The following MAGI3 variants were observed in gnomAD, a reference collection of about 807,000 sequenced individuals.
MAGI3 encodes membrane-associated guanylate kinase, WW and PDZ domain-containing protein 3.
Under a neutral mutation model 121.8 loss-of-function variants are expected in MAGI3, and 43 were observed. The ratio of observed to expected loss-of-function variants is 0.35; its 90% confidence interval spans 0.28 to 0.46. MAGI3 has a LOEUF of 0.46. Ranked by LOEUF, MAGI3 falls within the 20% of genes least tolerant of loss-of-function variation. MAGI3 has a pLI of 1.00. For synonymous variants in MAGI3, 553 were observed against 639.3 expected (o/e 0.86, Z 2.04); for missense variants, 1,547 against 1,797.3 (o/e 0.86, Z 2.52).
At chr1:113,657,785 A>G (rs755442888) in intron 15 of MAGI3, among the ~76,000 whole-genome samples, 12 of 152,224 alleles carry the variant, frequency 7.9e-5, no homozygotes, top group Non-Finnish European at 1.6e-4. Context: ...GTTGTTTGTA[A>G]GGAAAATAGA....
At chr1:113,675,688 A>C (rs1647825488) in intron 19 of MAGI3, among the ~76,000 whole-genome samples, 3 of 152,218 alleles carry the variant, frequency 2.0e-5, no homozygotes, top group Non-Finnish European at 4.4e-5. Context: ...GGACTAGATA[A>C]AATAAAGAAA....
At chr1:113,634,710 A>C (rs1054005833) in intron 9 of MAGI3, among the ~76,000 whole-genome samples, 1 of 152,146 alleles carries the variant, frequency 6.6e-6, no homozygotes, top group African/African-American at 2.4e-5. Context: ...TGACTTGGCA[A>C]TGTGGGCTTT....
intron 1 of MAGI3, among the ~76,000 whole-genome samples, chr1:113,454,214 A>G (rs1031213013): frequency 2.0e-5 from 3 of 152,176 alleles, no homozygotes; most frequent in African/African-American, 4.8e-5. Flanking sequence ...TTTGGGATGC[A>G]TATTTTGCTT....
chr1:113,571,912 C>G (rs12095235), intron 2 of MAGI3, among the ~76,000 whole-genome samples: 2 of 152,142 alleles, frequency 1.3e-5, no homozygotes, highest in African/African-American at 4.8e-5. Context: ...TTGCCCTGGC[C>G]AGAACTTCCA....
intron 8 of MAGI3, among the ~76,000 whole-genome samples, chr1:113,620,842 C>T (rs940428824): frequency 6.6e-6 from 1 of 152,154 alleles, no homozygotes; most frequent in Non-Finnish European, 1.5e-5. Flanking sequence ...CTAAATGCTC[C>T]TATTTCTTCA....
chr1:113,638,165 T>G (rs532838111), intron 9 of MAGI3, among the ~76,000 whole-genome samples: 65 of 152,318 alleles, frequency 4.3e-4, no homozygotes, highest in African/African-American at 1.5e-3. Context: ...CTTCTTTGCC[T>G]TTGATTTGAA....
intron 6 of MAGI3, among the ~76,000 whole-genome samples, chr1:113,611,088 C>CTTTT (rs139111390): frequency 7.3e-6 from 1 of 137,196 alleles, no homozygotes; most frequent in Non-Finnish European, 1.6e-5. Context: ...CATAATTATT[C>CTTTT]TTTTTTTTTT....
chr1:113,479,757 A>G (rs1656023650), intron 1 of MAGI3, among the ~76,000 whole-genome samples: 1 of 152,100 alleles, frequency 6.6e-6, no homozygotes, highest in South Asian at 2.1e-4. Context: ...CATAAGTGCC[A>G]TAGACTATCT....
chr1:113,648,414 CTTTTT>C (rs566094328), intron 12 of MAGI3, among the ~76,000 whole-genome samples: 7 of 135,958 alleles, frequency 5.1e-5, no homozygotes, highest in African/African-American at 1.9e-4. Flanking sequence ...ACTTAATATT[CTTTTT>C]TTTTTTTTTT....
At chr1:113,628,286 CA>C (rs1201190619) in intron 9 of MAGI3, among the ~76,000 whole-genome samples, 4 of 152,016 alleles carry the variant, frequency 2.6e-5, no homozygotes, top group Non-Finnish European at 5.9e-5. Context: ...AACAAAGAAG[CA>C]AACAAGCAAA....
Position 113,623,453 on chromosome 1 carries a change from T to TACACACACACACACACACACACAC in MAGI3, c.1360+471_1360+494dup, listed in dbSNP as rs796174057. Among the ~76,000 whole-genome samples the TACACACACACACACACACACACAC allele has an allele frequency of 4.9e-3, 622 of 126,018 alleles. 13 individuals are homozygous for TACACACACACACACACACACACAC. Among genetic ancestry groups the TACACACACACACACACACACACAC allele is most frequent in the African/African-American group, 0.017 (544 of 31,512 alleles). 82.7% of individuals were successfully genotyped at this position (126,018 alleles called of 152,430 possible). A position where few individuals can be genotyped will look rare whatever the true frequency, so the allele number is the denominator to read the frequency against. On this transcript the variant is annotated intron_variant, in intron 9 of 20. Coordinates refer to ENST00000307546, the MANE Select transcript of MAGI3 (RefSeq NM_001142782.2). The stretch of plus-strand genomic sequence containing the variant: ...TAATACACATATATATACACACACA[T>TACACACACACACACACACACACAC]ACACACACACACACACACACACACA...
chr1:113,420,456 A>C (rs756735070), intron 1 of MAGI3, among the ~76,000 whole-genome samples: 2 of 152,206 alleles, frequency 1.3e-5, no homozygotes, highest in Non-Finnish European at 2.9e-5. Context: ...CTGCTTAGAC[A>C]ATCAAACCTA....
At chr1:113,591,939 G>A (rs985290840) in intron 5 of MAGI3, among the ~76,000 whole-genome samples, 2 of 152,020 alleles carry the variant, frequency 1.3e-5, no homozygotes, top group African/African-American at 4.8e-5. Context: ...TATGTAAATG[G>A]ATGAAAGATC....
At chr1:113,450,036 G>A in intron 1 of MAGI3, 2 of 1,556,686 alleles carry the variant, frequency 1.3e-6, no homozygotes, top group Non-Finnish European at 1.8e-6. Context: ...TGGTATTAAA[G>A]AAGATACAGA....
At chr1:113,654,172 G>A (rs1207969832) in intron 15 of MAGI3, among the ~76,000 whole-genome samples, 154 bp downstream of exon 15, 1 of 152,088 alleles carries the variant, frequency 6.6e-6, no homozygotes, top group Non-Finnish European at 1.5e-5. Context: ...TCAAAATTAG[G>A]TAATTTGAAC....
At chr1:113,495,666 C>A (rs1369702831) in intron 1 of MAGI3, among the ~76,000 whole-genome samples, 1 of 152,148 alleles carries the variant, frequency 6.6e-6, no homozygotes, top group Non-Finnish European at 1.5e-5. Flanking sequence ...TAAAGATCAT[C>A]CTGTTTATGC....
intron 2 of MAGI3, among the ~76,000 whole-genome samples, chr1:113,577,649 A>C (rs530064430): frequency 1.3e-5 from 2 of 152,298 alleles, no homozygotes; most frequent in South Asian, 4.2e-4. Context: ...TGTAAAGAGA[A>C]TTAACATTAA....
chr1:113,425,995 A>G (rs1488387160), intron 1 of MAGI3, among the ~76,000 whole-genome samples: 1 of 151,902 alleles, frequency 6.6e-6, no homozygotes, highest in Non-Finnish European at 1.5e-5. Flanking sequence ...GTAATAACTT[A>G]TTGATTTGAA....
At chr1:113,593,808 A>G (rs1263509946) in intron 5 of MAGI3, among the ~76,000 whole-genome samples, 1 of 152,190 alleles carries the variant, frequency 6.6e-6, no homozygotes, top group Non-Finnish European at 1.5e-5. Flanking sequence ...TATATCATAA[A>G]ATGAAGCAGG....
Sources: allele counts gnomAD v4.1 joint callset (sites outside exome capture counted in the v4.1 genomes callset), GRCh38; gene constraint gnomAD v4.1.1; transcripts MANE v1.5; gene names NCBI Gene and HGNC (gene_info 2026-07-23, HGNC 2026-07-21).